Variants in TNFSF10 observed in about 807,000 individuals in gnomAD.
TNFSF10 encodes tumor necrosis factor ligand superfamily member 10.
In TNFSF10, 13 loss-of-function variants were observed where a neutral mutation model predicts 29.5. The ratio of observed to expected loss-of-function variants is 0.44; its 90% CI spans 0.29 to 0.70. The LOEUF (loss-of-function observed/expected upper bound fraction) is 0.70, where lower values mean the gene tolerates loss of function less well. Ranked by LOEUF, TNFSF10 falls within the 30% of genes least tolerant of loss-of-function variation. The pLI is 0.13. For missense variants in TNFSF10, 345 were observed against 330.9 expected, an observed-to-expected ratio of 1.04 and a Z score of -0.33; for synonymous variants, 111 against 112.8, an observed-to-expected ratio of 0.98 and a Z score of 0.10.
chr3:172,514,426 A>T (rs773324068), intron 2 of TNFSF10, among the ~76,000 whole-genome samples: 4 of 152,004 alleles, frequency 2.6e-5, no homozygotes, highest in African/African-American at 4.8e-5. Flanking sequence ...CTCTATATGC[A>T]TACAAAAACA....
At chr3:172,509,167 C>A in intron 4 of TNFSF10, 50 bp downstream of exon 4, 1 of 1,485,786 alleles carries the variant, frequency 6.7e-7, no homozygotes, top group Admixed American at 1.8e-5. Context: ...TTACTTGGCA[C>A]AATCCTTCCA....
intron 1 of TNFSF10, chr3:172,518,310 G>A (rs2108449520): frequency 8.2e-7 from 1 of 1,216,028 alleles, no homozygotes; most frequent in East Asian, 6.4e-5. Flanking sequence ...TGCTCTTGGT[G>A]CTGTTACAAA....
At chr3:172,511,216 C>A (rs1436968649) in intron 3 of TNFSF10, among the ~76,000 whole-genome samples, 1 of 152,118 alleles carries the variant, frequency 6.6e-6, no homozygotes, top group East Asian at 1.9e-4. Context: ...TAAAGAAAGA[C>A]CTGGAGCCCA....
intron 3 of TNFSF10, 101 bp from the exon 4 acceptor site, chr3:172,509,422 G>A: frequency 5.4e-6 from 4 of 745,846 alleles, no homozygotes; most frequent in East Asian, 2.8e-5. Flanking sequence ...AAGCATACTG[G>A]GCTTCCAAAG....
intron 1 of TNFSF10, chr3:172,518,211 C>T: frequency 1.3e-5 from 14 of 1,114,252 alleles, no homozygotes; most frequent in Non-Finnish European, 1.4e-5. Context: ...TTTTCATTTG[C>T]GTGCCTCTGA....
intron 1 of TNFSF10, chr3:172,518,551 G>C: frequency 2.9e-6 from 3 of 1,046,694 alleles, no homozygotes; most frequent in Non-Finnish European, 3.9e-6. Flanking sequence ...ATGTCACAGT[G>C]ACAGGCCATT....
In TNFSF10 at chr3:172,506,899, G is replaced by C; in HGVS notation, c.439C>G (p.Leu147Val). The C allele has an allele frequency of 6.2e-7, 1 of 1,605,148 alleles. No homozygotes were observed. Among genetic ancestry groups the C allele is most frequent in the Non-Finnish European group, 8.5e-7 (1 of 1,177,110 alleles). The change falls in exon 5 of 5, where the codon CTG becomes GTG. Residue 147 changes from leucine (L) to valine (V), a missense_variant. Coordinates refer to ENST00000241261, the MANE Select transcript of TNFSF10 (RefSeq NM_003810.4). ...SSPNSKNEKA[L>V]GRKINSWESS... Reference sequence around the variant, plus strand: ...TCCCAGGAGTTTATTTTGCGGCCCAGAGCCTTTTCATTCTTGGAGTCTGTA... The same window carrying C: ...TCCCAGGAGTTTATTTTGCGGCCCACAGCCTTTTCATTCTTGGAGTCTGTA...
At chr3:172,514,212 T>A (rs1404151304) in intron 2 of TNFSF10, among the ~76,000 whole-genome samples, 1 of 152,244 alleles carries the variant, frequency 6.6e-6, no homozygotes, top group Non-Finnish European at 1.5e-5. Context: ...TCTGTCACTC[T>A]GCCACATTTA....
Position 172,514,967 on chromosome 3 carries a change from G to A in TNFSF10, c.164C>T (p.Ala55Val). Reference sequence around the variant, plus strand: ...ACTGTCATCTTCTTTTAAGAAACAAGCAATGCCACTTTTGGAGTACTTGTC... The same window carrying A: ...ACTGTCATCTTCTTTTAAGAAACAAACAATGCCACTTTTGGAGTACTTGTC... Reference protein sequence around the residue: ...MQDKYSKSGIACFLKEDDSYW... With the variant: ...MQDKYSKSGIVCFLKEDDSYW... Residue 55 changes from alanine (A) to valine (V), a missense_variant, in exon 2 of 5, where the codon GCT becomes GTT. Transcript: ENST00000241261. 1 of 1,614,068 alleles carries A rather than the reference G, an allele frequency of 6.2e-7. No homozygotes were observed. The highest frequency in any genetic ancestry group is 8.5e-7 in the Non-Finnish European group (1 of 1,179,996).
intron 1 of TNFSF10, among the ~76,000 whole-genome samples, chr3:172,516,219 G>A (rs1057017284): frequency 4.0e-5 from 6 of 149,792 alleles, no homozygotes; most frequent in South Asian, 2.1e-4. Context: ...AGCTGAGATC[G>A]TGCCATTGCA....
At position 172,506,517 on chromosome 3, in the gene TNFSF10, A is replaced by G; in HGVS notation, c.821T>C (p.Phe274Ser). The change falls in exon 5 of 5, where the codon TTT (phenylalanine) becomes TCT (serine). Residue 274 changes from phenylalanine to serine, a missense_variant. By Grantham distance (155) the Phe-to-Ser change is radical. Transcript: ENST00000241261. ...TTAGCCAACTAAAAAGGCCCCAAAA[A>G]AACTGGCTTCATGGTCCATGTCTAT... is the stretch of plus-strand genomic sequence containing the variant. ...HLIDMDHEAS[F>S]FGAFLVG is the part of the protein sequence containing the mutation. 6 of 1,605,708 alleles carry G rather than the reference A, an allele frequency of 3.7e-6. No individual in the cohort carries two copies. In the South Asian group the frequency reaches 6.8e-5, roughly 18 times the overall value.
intron 1 of TNFSF10, among the ~76,000 whole-genome samples, chr3:172,521,594 T>A (rs1469212564): frequency 1.3e-5 from 2 of 152,220 alleles, no homozygotes; most frequent in Non-Finnish European, 2.9e-5. Flanking sequence ...GCTTTTACAC[T>A]GTTGGTGGGA....
chr3:172,507,842 C>A (rs140657430), intron 4 of TNFSF10, among the ~76,000 whole-genome samples: 66 of 152,204 alleles, frequency 4.3e-4, no homozygotes, highest in African/African-American at 1.5e-3. Flanking sequence ...GACAAATTTA[C>A]GGGATAAAGC....
chr3:172,518,866 T>A lies in TNFSF10; in HGVS notation c.133-3868A>T, dbSNP rs552383322. Reference sequence around the variant, plus strand: ...AATTTCTGATGAAGAAAGTGACACCTTCAGGAGACTTTTCAGCAGTAATTA... The same window carrying A: ...AATTTCTGATGAAGAAAGTGACACCATCAGGAGACTTTTCAGCAGTAATTA... On this transcript the variant is annotated intron_variant, in intron 1 of 4. Transcript: ENST00000241261. 9.4e-4 allele frequency among the ~76,000 whole-genome samples: 143 copies of A among 152,204 alleles called. 2 individuals carry two copies. Among genetic ancestry groups the A allele is most frequent in the Admixed American group, 9.8e-4 (15 of 15,274 alleles).
intron 1 of TNFSF10, among the ~76,000 whole-genome samples, chr3:172,522,930 C>T (rs904228075): frequency 2.0e-5 from 3 of 152,150 alleles, no homozygotes; most frequent in Non-Finnish European, 4.4e-5. Flanking sequence ...AAGCATTTAG[C>T]AGAAAGCTTT....
At chr3:172,512,761 G>A (rs1342397522) in intron 2 of TNFSF10, among the ~76,000 whole-genome samples, 1 of 152,172 alleles carries the variant, frequency 6.6e-6, no homozygotes, top group Non-Finnish European at 1.5e-5. Flanking sequence ...GAAGCAACAG[G>A]AAAAAGAAAA....
chr3:172,515,963 G>GA (rs906566995), intron 1 of TNFSF10, among the ~76,000 whole-genome samples: 4 of 152,072 alleles, frequency 2.6e-5, no homozygotes, highest in Non-Finnish European at 5.9e-5. Context: ...TTATTTCCCT[G>GA]AAAAAATCTG....
chr3:172,522,525 C>T, intron 1 of TNFSF10: 1 of 699,444 alleles, frequency 1.4e-6, no homozygotes. Flanking sequence ...AAAAGGAAAA[C>T]TGAACCAACG....
rs752441209 is a variant in TNFSF10, at chr3:172,509,306, A to G, written c.329T>C (p.Ile110Thr). Residue 110 changes from isoleucine (I) to threonine (T), a missense_variant, in exon 4 of 5, where the codon ATT becomes ACT. Coordinates refer to ENST00000241261, the MANE Select transcript of TNFSF10 (RefSeq NM_003810.4). ...ACCTCTTTCTCTCACTAGGGGAGAA[A>G]TATTTTGTTGCTTTTCTAAAAGAGA... ...ISTVQEKQQNISPLVRERGPQ... is the reference protein window; with the variant it reads ...ISTVQEKQQNTSPLVRERGPQ... The G allele has an allele frequency of 6.8e-6, 11 of 1,613,300 alleles. No individual in the cohort carries two copies. Among genetic ancestry groups the G allele is most frequent in the African/African-American group, 1.3e-5 (1 of 74,884 alleles).
Sources: allele counts gnomAD v4.1 joint callset (sites outside exome capture counted in the v4.1 genomes callset), GRCh38; gene constraint gnomAD v4.1.1; transcripts MANE v1.5; gene names NCBI Gene and HGNC (gene_info 2026-07-23, HGNC 2026-07-21).